PNMA6E: variants seen among roughly 807,000 people sequenced by gnomAD.
PNMA6E encodes PNMA family member 6E, also known as paraneoplastic antigen Ma6E.
For synonymous variants in PNMA6E, 43 were observed against 17.1 expected (o/e 2.52, Z -3.74); for missense variants, 78 against 50.8 (o/e 1.53, Z -1.63).
intron 1 of PNMA6E, among the ~76,000 whole-genome samples, chrX:153,400,975 AC>A (rs1419877169): frequency 9.3e-6 from 1 of 107,781 alleles, no homozygotes; most frequent in Non-Finnish European, 1.9e-5. Context: ...TCCTCTGGCC[AC>A]CCCGCACTGA....
At chrX:153,409,485 A>G in the PNMA6E span, among the ~76,000 whole-genome samples, 2 of 113,187 alleles carry the variant, frequency 1.8e-5, no homozygotes, top group Non-Finnish European at 3.7e-5. Flanking sequence ...TAGGTTGGGC[A>G]TGGGTTTGCA....
At chrX:153,405,315 G>C (rs1311534229), upstream of PNMA6E, among the ~76,000 whole-genome samples, 5 of 112,051 alleles carry the variant, frequency 4.5e-5, no homozygotes, top group Non-Finnish European at 9.4e-5. Flanking sequence ...ACTAAAAAGA[G>C]GATTTGAAGA....
upstream of PNMA6E, among the ~76,000 whole-genome samples, chrX:153,404,539 T>C (rs782112537): frequency 9.0e-6 from 1 of 111,646 alleles, no homozygotes; most frequent in Non-Finnish European, 1.9e-5. Flanking sequence ...GTTGTCCTAG[T>C]AGACAACTAA....
At chrX:153,400,258 G>A (rs188572921) in intron 1 of PNMA6E, among the ~76,000 whole-genome samples, 338 of 112,509 alleles carry the variant, frequency 3.0e-3, no homozygotes, top group Non-Finnish European at 4.6e-3. Flanking sequence ...TAGGGGGCCA[G>A]GCTCCTCACG....
rs1255467277 is a variant in PNMA6E at position 153,397,472 on chromosome X, G to A, written c.1378C>T (p.Arg460Cys). The A allele has an allele frequency of 7.7e-5, 23 of 297,612 alleles. No homozygotes were observed. The highest frequency in any genetic ancestry group is 1.4e-4 in the East Asian group (3 of 21,010). The allele number at this position is 297,612 out of a possible 1,213,427, so 24.5% of individuals were successfully genotyped here. A position where few individuals can be genotyped will look rare whatever the true frequency, so the allele number is the denominator to read the frequency against. Reference sequence around the variant, plus strand: ...GTATCCTGGAGTGCCTCGCTGGGGCGGGCCCAAGACAGCACCTGCTGTAGT... The same window carrying A: ...GTATCCTGGAGTGCCTCGCTGGGGCAGGCCCAAGACAGCACCTGCTGTAGT... ...LRLQQVLSWA[R>C]PSEALQDTLR... Residue 460 changes from arginine (R) to cysteine (C), a missense_variant, in exon 2 of 2, where the codon CGC becomes TGC. Physicochemically the swap from Arg to Cys is radical, Grantham distance 180 (BLOSUM62 -3). Coordinates refer to ENST00000445091, the MANE Select transcript of PNMA6E (RefSeq NM_001367770.1).
At position 153,397,893 on chromosome X, in the gene PNMA6E, C is replaced by T. The variant is rs1353110599; in HGVS notation, c.957G>A (p.Arg319=). ...LQPVLENRAY[R]ELRPFSRREQ... ...CCCTCCTGGAAAAGGGTCTCAATTC[C>T]CGGTAGGCCCTGTTTTCCAGCACAG... is the stretch of plus-strand genomic sequence containing the variant. The change falls in exon 2 of 2, where the codon CGG becomes CGA. Residue 319 remains arginine (R), a synonymous_variant. Coordinates refer to ENST00000445091, the MANE Select transcript of PNMA6E (RefSeq NM_001367770.1). The T allele has an allele frequency of 5.9e-6, 2 of 340,509 alleles. No individual in the cohort carries two copies. The highest frequency in any genetic ancestry group is 5.3e-5 in the African/African-American group (2 of 38,067). The allele number at this position is 340,509 out of a possible 1,213,427, so 28.1% of individuals were successfully genotyped here. A position where few individuals can be genotyped will look rare whatever the true frequency, so the allele number is the denominator to read the frequency against.
chrX:153,413,252 G>T, the PNMA6E span, among the ~76,000 whole-genome samples: 4 of 106,113 alleles, frequency 3.8e-5, no homozygotes, highest in Non-Finnish European at 3.9e-5. Context: ...GTTTGTGTGG[G>T]TTCTTTTTTC....
In PNMA6E at chrX:153,399,650, C is replaced by G. The variant is rs2088835827; in HGVS notation, c.-71-730G>C. On this transcript the variant is annotated intron_variant, in intron 1 of 1. Coordinates refer to ENST00000445091, the MANE Select transcript of PNMA6E (RefSeq NM_001367770.1). ...GGCATAAACCACTGTGCCTAGCCCC[C>G]TCTCATCTTAATTAGTCTTGCTAGG... 2.7e-5 allele frequency among the ~76,000 whole-genome samples: 3 copies of G among 111,668 alleles called. No individual in the cohort carries two copies. In the South Asian group the frequency reaches 1.1e-3, roughly 42 times the overall value.
the PNMA6E span, among the ~76,000 whole-genome samples, chrX:153,410,366 A>G: frequency 8.9e-6 from 1 of 111,892 alleles, no homozygotes; most frequent in Admixed American, 9.4e-5. Context: ...GGCACCAACC[A>G]GTCACCCCAC....
chrX:153,403,222 T>C (rs2088862613), upstream of PNMA6E, among the ~76,000 whole-genome samples: 1 of 112,316 alleles, frequency 8.9e-6, no homozygotes, highest in African/African-American at 3.2e-5. Context: ...TTTCATTTTT[T>C]CCTCTTGGTT....
In PNMA6E at chrX:153,397,695, C is replaced by T. The variant is rs781990916; in HGVS notation, c.1155G>A (p.Leu385=). The part of the protein sequence containing the change: ...VSGLLEEDTN[L]SALDCLAALG... ...GCGCCGCCAGGCAGTCCAGCGCGGACAAGTTGGTATCTTCCTCCAGGAGGC... is the reference window on the plus strand; with the variant it reads ...GCGCCGCCAGGCAGTCCAGCGCGGATAAGTTGGTATCTTCCTCCAGGAGGC... Residue 385 remains leucine (L), a synonymous_variant, in exon 2 of 2, where the codon TTG becomes TTA. Transcript: ENST00000445091. 3.2e-4 allele frequency: 97 copies of T among 303,382 alleles called. No individual in the cohort carries two copies. The highest frequency in any genetic ancestry group is 4.5e-4 in the Admixed American group (8 of 17,696). 25.0% of individuals were successfully genotyped at this position (303,382 alleles called of 1,213,427 possible).
chrX:153,402,480 C>T (rs1222410146), upstream of PNMA6E, among the ~76,000 whole-genome samples: 1 of 111,340 alleles, frequency 9.0e-6, no homozygotes, highest in Non-Finnish European at 1.9e-5. Context: ...CTGCCCCCTG[C>T]ACCCCGTCCT....
upstream of PNMA6E, chrX:153,401,567 C>T (rs1344177540): frequency 8.9e-6 from 1 of 111,838 alleles, no homozygotes; most frequent in East Asian, 2.8e-4. Flanking sequence ...GGCTCGAAGC[C>T]CAGAAGCGGC....
At chrX:153,405,998 G>A (rs782741111), upstream of PNMA6E, among the ~76,000 whole-genome samples, 1 of 112,453 alleles carries the variant, frequency 8.9e-6, no homozygotes, top group South Asian at 3.7e-4. Context: ...GGCACCAAAA[G>A]TCACCCAGGG....
chrX:153,408,007 G>A, the PNMA6E span, among the ~76,000 whole-genome samples: 1 of 112,804 alleles, frequency 8.9e-6, no homozygotes, highest in Non-Finnish European at 1.9e-5. Context: ...AGAGGCTGGG[G>A]CCTGGGTGAC....
the PNMA6E span, among the ~76,000 whole-genome samples, chrX:153,411,491 G>C: frequency 9.0e-6 from 1 of 111,724 alleles, no homozygotes; most frequent in East Asian, 2.9e-4. Context: ...CGGCCCGCTC[G>C]TCGGCGCACC....
upstream of PNMA6E, among the ~76,000 whole-genome samples, chrX:153,402,169 A>G (rs927209422): frequency 1.1e-4 from 12 of 111,398 alleles, no homozygotes; most frequent in Admixed American, 5.7e-4. Flanking sequence ...AAAATCTCCA[A>G]TTATAATTGT....
the PNMA6E span, among the ~76,000 whole-genome samples, chrX:153,409,374 A>G: frequency 8.8e-6 from 1 of 113,002 alleles, no homozygotes; most frequent in Non-Finnish European, 1.9e-5. Flanking sequence ...TACCTCTCTC[A>G]GGAGGCCCCA....
rs953400366 is a variant in PNMA6E at position 153,396,735 on chromosome X, G to A, written c.*171C>T. ...CTCCCCACCCCATTTTGTATCAAAC[G>A]TGGTCATCCGGGTCACAGGGAAGGA... On this transcript the variant is annotated 3_prime_UTR_variant, in exon 2 of 2. Transcript: ENST00000445091. 4.1e-5 allele frequency: 12 copies of A among 289,604 alleles called. No homozygotes were observed. Among genetic ancestry groups the A allele is most frequent in the Admixed American group, 1.2e-4 (2 of 16,218 alleles). 23.9% of individuals were successfully genotyped at this position (289,604 alleles called of 1,213,427 possible).
Sources: gnomAD v4.1 joint callset for allele counts (sites outside exome capture counted in the v4.1 genomes callset) on GRCh38, gnomAD v4.1.1 for gene constraint, MANE v1.5 for transcripts, NCBI Gene and HGNC (gene_info 2026-07-23, HGNC 2026-07-21) for gene names.